SORCS3: variants seen among roughly 807,000 people sequenced by gnomAD.
The protein encoded by SORCS3 is sortilin related VPS10 domain containing receptor 3, also known as VPS10 domain-containing receptor SorCS3.
A neutral mutation model predicts 146.3 loss-of-function variants in SORCS3; 57 were observed. The ratio of observed to expected loss-of-function variants is 0.39; its 90% CI spans 0.31 to 0.49. The LOEUF (loss-of-function observed/expected upper bound fraction) is 0.49, where lower values mean the gene tolerates loss of function less well. Ranked by LOEUF, SORCS3 falls within the 20% of genes least tolerant of loss-of-function variation. The pLI, the probability that SORCS3 is intolerant of heterozygous loss-of-function variation, is 0.92. For synonymous variants in SORCS3, 653 were observed against 618.5 expected, an observed-to-expected ratio of 1.06 and a Z score of -0.83; for missense variants, 1,341 against 1,575.5, an observed-to-expected ratio of 0.85 and a Z score of 2.52.
intron 1 of SORCS3, among the ~76,000 whole-genome samples, chr10:104,823,747 A>G (rs1207421488): frequency 2.0e-5 from 3 of 152,194 alleles, no homozygotes; most frequent in Admixed American, 6.5e-5. Context: ...CCATGTCCTG[A>G]TCTCTAGAAC....
chr10:105,199,208 G>A (rs902139096), intron 14 of SORCS3, among the ~76,000 whole-genome samples: 3 of 151,720 alleles, frequency 2.0e-5, no homozygotes, highest in African/African-American at 4.8e-5. Context: ...CGCCACCCGA[G>A]TAGAGTATGG....
At chr10:104,815,188 G>A (rs765371919) in intron 1 of SORCS3, among the ~76,000 whole-genome samples, 21 of 152,130 alleles carry the variant, frequency 1.4e-4, no homozygotes, top group Non-Finnish European at 2.4e-4. Flanking sequence ...GGCCAGGTGC[G>A]GTGGCTGATG....
intron 12 of SORCS3, among the ~76,000 whole-genome samples, chr10:105,166,751 G>T (rs979528723): frequency 6.6e-6 from 1 of 152,192 alleles, no homozygotes; most frequent in Non-Finnish European, 1.5e-5. Context: ...CTTGCAGGGA[G>T]GTGGTGGCTA....
intron 2 of SORCS3, among the ~76,000 whole-genome samples, chr10:104,892,446 G>A (rs2018758106): frequency 6.6e-6 from 1 of 152,214 alleles, no homozygotes; most frequent in African/African-American, 2.4e-5. Flanking sequence ...ATCTGGCCGG[G>A]AGCAGTGTAT....
At chr10:105,022,250 C>G (rs2055202224) in intron 4 of SORCS3, among the ~76,000 whole-genome samples, 2 of 151,538 alleles carry the variant, frequency 1.3e-5, no homozygotes, top group Admixed American at 1.3e-4. Flanking sequence ...TGTGGGGTGA[C>G]AGGGCATATG....
intron 4 of SORCS3, among the ~76,000 whole-genome samples, chr10:104,998,753 G>A (rs1381221280): frequency 1.3e-5 from 2 of 152,062 alleles, no homozygotes; most frequent in Non-Finnish European, 2.9e-5. Flanking sequence ...TAATGGGACC[G>A]TACATCACTG....
intron 3 of SORCS3, among the ~76,000 whole-genome samples, chr10:104,947,444 AG>A (rs2019383338): frequency 6.6e-6 from 1 of 151,900 alleles, no homozygotes; most frequent in Admixed American, 6.6e-5. Flanking sequence ...CTCTTGGGGG[AG>A]GCACAATAAA....
chr10:105,004,853 C>T (rs1052145572), intron 4 of SORCS3, among the ~76,000 whole-genome samples: 1 of 151,928 alleles, frequency 6.6e-6, no homozygotes, highest in African/African-American at 2.4e-5. Flanking sequence ...ATGCAACGTT[C>T]AGTCTTATCA....
At chr10:105,058,018 G>T (rs904002570) in intron 5 of SORCS3, among the ~76,000 whole-genome samples, 4 of 152,134 alleles carry the variant, frequency 2.6e-5, no homozygotes, top group Non-Finnish European at 5.9e-5. Context: ...TCATCTCCCC[G>T]CTGGACAGCC....
At chr10:104,655,597 C>T (rs536311512) in intron 1 of SORCS3, among the ~76,000 whole-genome samples, 1 of 152,110 alleles carries the variant, frequency 6.6e-6, no homozygotes, top group African/African-American at 2.4e-5. Flanking sequence ...TGTTCTTGCC[C>T]AAATCTCATG....
intron 4 of SORCS3, among the ~76,000 whole-genome samples, chr10:104,984,169 G>A (rs1427130286): frequency 6.6e-6 from 1 of 152,166 alleles, no homozygotes; most frequent in Non-Finnish European, 1.5e-5. Flanking sequence ...TTAGAAGGTA[G>A]CAAGGGAGGT....
chr10:105,116,621 C>T (rs1034096772), intron 7 of SORCS3, among the ~76,000 whole-genome samples: 4 of 151,906 alleles, frequency 2.6e-5, no homozygotes, highest in African/African-American at 9.7e-5. Flanking sequence ...GTAGTAAAGA[C>T]ATGGAATCAA....
chr10:105,208,170 G>A (rs909798679), intron 16 of SORCS3, among the ~76,000 whole-genome samples: 4 of 152,102 alleles, frequency 2.6e-5, no homozygotes, highest in Admixed American at 2.0e-4. Flanking sequence ...GCAAAACCCC[G>A]TCTCTACTAA....
intron 3 of SORCS3, among the ~76,000 whole-genome samples, chr10:104,939,179 G>A (rs2019288002): frequency 6.6e-6 from 1 of 152,194 alleles, no homozygotes; most frequent in Non-Finnish European, 1.5e-5. Flanking sequence ...CGAGGAAGGA[G>A]GAGTAAAGGA....
At chr10:104,769,830 G>T (rs765216873) in intron 1 of SORCS3, among the ~76,000 whole-genome samples, 3 of 152,092 alleles carry the variant, frequency 2.0e-5, no homozygotes, top group Non-Finnish European at 4.4e-5. Flanking sequence ...AAAATGAAGG[G>T]TTTAGGCATG....
At chr10:104,876,728 T>TTCCTTCCTTCCC (rs2018576145) in intron 2 of SORCS3, among the ~76,000 whole-genome samples, 1 of 115,962 alleles carries the variant, frequency 8.6e-6, no homozygotes, top group African/African-American at 3.6e-5. Context: ...CCTTCCTTCC[T>TTCCTTCCTTCCC]TCCTTCCTTC....
chr10:104,653,898 T>G (rs1162836297), intron 1 of SORCS3, among the ~76,000 whole-genome samples: 1 of 152,196 alleles, frequency 6.6e-6, no homozygotes, highest in Non-Finnish European at 1.5e-5. Context: ...ATACTTGGCC[T>G]TATTCATTCA....
At chr10:104,826,874 C>G (rs1483105510) in intron 1 of SORCS3, among the ~76,000 whole-genome samples, 1 of 152,212 alleles carries the variant, frequency 6.6e-6, no homozygotes, top group Non-Finnish European at 1.5e-5. Context: ...TTTATCCACT[C>G]AGTTTATGGA....
chr10:105,036,183 A>G (rs764353906), intron 4 of SORCS3, among the ~76,000 whole-genome samples: 2 of 152,062 alleles, frequency 1.3e-5, no homozygotes, highest in Non-Finnish European at 2.9e-5. Flanking sequence ...TTTTAGCCAC[A>G]ATTTTTGGGG....
Sources: gnomAD v4.1 joint callset for allele counts (sites outside exome capture counted in the v4.1 genomes callset) on GRCh38, gnomAD v4.1.1 for gene constraint, MANE v1.5 for transcripts, NCBI Gene and HGNC (gene_info 2026-07-23, HGNC 2026-07-21) for gene names.